Variants in IL1RAPL2 observed in about 807,000 individuals in gnomAD.
IL1RAPL2 encodes the protein X-linked interleukin-1 receptor accessory protein-like 2.
IL1RAPL2 carries 3 observed loss-of-function variants against 44.1 expected under a neutral mutation model. The ratio of observed to expected loss-of-function variants is 0.07; its 90% CI spans 0.03 to 0.18. IL1RAPL2 has a LOEUF of 0.18. Among genes scored for constraint, IL1RAPL2 ranks in the 10% least tolerant of loss-of-function variants. The probability of loss-of-function intolerance (pLI) is 1.00; values close to 1 mark genes in which losing one functional copy is unlikely to be tolerated. For missense variants in IL1RAPL2, 391 were observed against 496.4 expected (o/e 0.79, Z 2.02); for synonymous variants, 181 against 178.8 (o/e 1.01, Z -0.10).
intron 2 of IL1RAPL2, among the ~76,000 whole-genome samples, chrX:104,847,725 T>C (rs1405000091): frequency 1.8e-5 from 2 of 112,109 alleles, no homozygotes; most frequent in South Asian, 7.6e-4. Context: ...TCCAATTCTG[T>C]GAAGAAAGTC....
intron 2 of IL1RAPL2, among the ~76,000 whole-genome samples, chrX:104,728,063 C>T (rs959588311): frequency 9.1e-6 from 1 of 110,097 alleles, no homozygotes; most frequent in African/African-American, 3.3e-5. Flanking sequence ...ATAGTATATC[C>T]ATGTAACAAA....
At chrX:105,669,878 A>C (rs1049902731) in intron 6 of IL1RAPL2, among the ~76,000 whole-genome samples, 2 of 107,507 alleles carry the variant, frequency 1.9e-5, no homozygotes, top group African/African-American at 6.8e-5. Context: ...AAACTTTTAC[A>C]GTGCTACATT....
At chrX:105,461,356 T>C (rs924129184) in intron 5 of IL1RAPL2, among the ~76,000 whole-genome samples, 1 of 111,517 alleles carries the variant, frequency 9.0e-6, no homozygotes, top group African/African-American at 3.3e-5. Flanking sequence ...AAGAGGAAGC[T>C]AGTGCTAGTG....
intron 2 of IL1RAPL2, among the ~76,000 whole-genome samples, chrX:105,004,907 C>G: frequency 9.0e-6 from 1 of 110,570 alleles, no homozygotes; most frequent in South Asian, 3.8e-4. Flanking sequence ...TTAAAATATC[C>G]CCGTCCCTCA....
At chrX:105,334,443 T>G (rs2035012675) in intron 5 of IL1RAPL2, among the ~76,000 whole-genome samples, 1 of 111,376 alleles carries the variant, frequency 9.0e-6, no homozygotes, top group Non-Finnish European at 1.9e-5. Flanking sequence ...TAAGGCCTAG[T>G]ATTTGATAAC....
At chrX:105,083,835 G>A (rs915383285) in intron 2 of IL1RAPL2, among the ~76,000 whole-genome samples, 2 of 111,917 alleles carry the variant, frequency 1.8e-5, no homozygotes, top group Non-Finnish European at 3.8e-5. Flanking sequence ...TGGAAAAGAA[G>A]ACCGGTACCA....
intron 2 of IL1RAPL2, among the ~76,000 whole-genome samples, chrX:104,901,688 T>G (rs1364528596): frequency 9.0e-6 from 1 of 111,268 alleles, no homozygotes; most frequent in Non-Finnish European, 1.9e-5. Flanking sequence ...GGGGGGACAT[T>G]GAAACAAGAA....
chrX:105,425,096 T>G (rs763438912), intron 5 of IL1RAPL2, among the ~76,000 whole-genome samples: 2 of 111,119 alleles, frequency 1.8e-5, no homozygotes, highest in East Asian at 5.8e-4. Context: ...AACAGTCAAA[T>G]TAGAGGAGAG....
intron 2 of IL1RAPL2, among the ~76,000 whole-genome samples, chrX:104,883,255 G>A (rs1049965531): frequency 3.6e-5 from 4 of 111,194 alleles, no homozygotes; most frequent in Admixed American, 9.5e-5. Flanking sequence ...GCTAAATACT[G>A]GGCACCTGTC....
chrX:105,398,022 G>A lies in IL1RAPL2; in HGVS notation c.698-86291G>A, dbSNP rs139291655. Among the ~76,000 whole-genome samples, 974 of 111,531 alleles carry A rather than the reference G, an allele frequency of 8.7e-3. 11 individuals are homozygous for A. The highest frequency in any genetic ancestry group is 0.015 in the Non-Finnish European group (771 of 52,985). ...TGTGACTAGACCTTTTATACTCAGA[G>A]TAATGCTGAATCATTAATTATACCG... is the stretch of plus-strand genomic sequence containing the variant. On this transcript the variant is annotated intron_variant, in intron 5 of 10. Coordinates refer to ENST00000372582, the MANE Select transcript of IL1RAPL2 (RefSeq NM_017416.2).
At chrX:105,392,448 G>A (rs983621590) in intron 5 of IL1RAPL2, among the ~76,000 whole-genome samples, 9 of 111,613 alleles carry the variant, frequency 8.1e-5, no homozygotes, top group Non-Finnish European at 1.5e-4. Context: ...AAGTTAAGTC[G>A]AGCTCTAGAC....
chrX:104,920,399 G>T (rs1449322684), intron 2 of IL1RAPL2, among the ~76,000 whole-genome samples: 2 of 109,973 alleles, frequency 1.8e-5, no homozygotes, highest in African/African-American at 3.3e-5. Flanking sequence ...GATCCCCAGT[G>T]TTAGAGGTGG....
chrX:104,842,353 G>T (rs1043607112), intron 2 of IL1RAPL2, among the ~76,000 whole-genome samples: 2 of 110,572 alleles, frequency 1.8e-5, no homozygotes, highest in Admixed American at 1.9e-4. Context: ...TAGCTCAGAG[G>T]AGTTTATTAT....
chrX:104,760,196 G>C (rs1932403334), intron 2 of IL1RAPL2, among the ~76,000 whole-genome samples: 1 of 112,171 alleles, frequency 8.9e-6, no homozygotes, highest in African/African-American at 3.2e-5. Flanking sequence ...GATGGATACA[G>C]ATCCCTTCCA....
intron 7 of IL1RAPL2, among the ~76,000 whole-genome samples, chrX:105,734,637 T>A (rs1242110327): frequency 1.4e-4 from 3 of 20,729 alleles, no homozygotes; most frequent in African/African-American, 6.1e-4. Flanking sequence ...CCTCAAGTGA[T>A]CCTCTAGCCT....
rs143149039 is a variant in IL1RAPL2 at position 105,103,877 on chromosome X, G to A, written c.83-91598G>A. 2.6e-4 allele frequency among the ~76,000 whole-genome samples: 29 copies of A among 111,699 alleles called. No individual in the cohort carries two copies. In the South Asian group the frequency reaches 4.9e-3, roughly 19 times the overall value. The stretch of plus-strand genomic sequence containing the variant: ...TGCTGAGGGTAAGCTGAAGATAAAG[G>A]GTGTTCCTGGTCCCATAATAAAAGA... On this transcript the variant is annotated intron_variant, in intron 2 of 10. Transcript: ENST00000372582.
intron 2 of IL1RAPL2, among the ~76,000 whole-genome samples, chrX:105,087,263 A>G (rs2032490949): frequency 9.0e-6 from 1 of 111,451 alleles, no homozygotes; most frequent in Non-Finnish European, 1.9e-5. Context: ...TATAAAACCT[A>G]TAATATGGGA....
chrX:104,880,643 C>T (rs1310281234), intron 2 of IL1RAPL2, among the ~76,000 whole-genome samples: 1 of 111,762 alleles, frequency 8.9e-6, no homozygotes, highest in Non-Finnish European at 1.9e-5. Flanking sequence ...ATTCATTTTG[C>T]ATATAATAAA....
intron 5 of IL1RAPL2, among the ~76,000 whole-genome samples, chrX:105,358,526 A>G (rs1288120727): frequency 9.2e-6 from 1 of 109,272 alleles, no homozygotes; most frequent in African/African-American, 3.3e-5. Flanking sequence ...AAATACAAAA[A>G]TTAGCTTGGC....
Sources: gnomAD v4.1 joint callset for allele counts (sites outside exome capture counted in the v4.1 genomes callset) on GRCh38, gnomAD v4.1.1 for gene constraint, MANE v1.5 for transcripts, NCBI Gene and HGNC (gene_info 2026-07-23, HGNC 2026-07-21) for gene names.